OPCML: variants seen among roughly 807,000 people sequenced by gnomAD.
OPCML encodes the protein opioid binding protein/cell adhesion molecule like, also known as opioid-binding protein/cell adhesion molecule.
Under a neutral mutation model 37.8 loss-of-function variants are expected in OPCML, and 13 were observed. That is an observed-to-expected ratio of 0.34 (90% confidence interval 0.22 to 0.55). The LOEUF (loss-of-function observed/expected upper bound fraction) is 0.55. Among genes scored for constraint, OPCML ranks in the 20% least tolerant of loss-of-function variants. The pLI is 0.91. For missense variants in OPCML, 341 were observed against 435.6 expected, an observed-to-expected ratio of 0.78 and a Z score of 1.93; for synonymous variants, 176 against 168.8, an observed-to-expected ratio of 1.04 and a Z score of -0.33.
Position 132,904,663 on chromosome 11 carries a change from A to C in OPCML, c.146+38263T>G, listed in dbSNP as rs73602834. ...TTAGATTCCAGGCTAATGGTTCTATAAATTCAAAAGCAAGAAATATCGCAG... is the reference window on the plus strand; with the variant it reads ...TTAGATTCCAGGCTAATGGTTCTATCAATTCAAAAGCAAGAAATATCGCAG... On this transcript the variant is annotated intron_variant, in intron 2 of 7. Transcript: ENST00000524381. Among the ~76,000 whole-genome samples, 1,336 of 152,328 alleles carry C rather than the reference A, an allele frequency of 8.8e-3. 13 individuals are homozygous for C. The highest frequency in any genetic ancestry group is 0.03 in the African/African-American group (1,258 of 41,570).
intron 4 of OPCML, among the ~76,000 whole-genome samples, chr11:132,489,836 C>T (rs2096210448): frequency 6.6e-6 from 1 of 151,982 alleles, no homozygotes; most frequent in Non-Finnish European, 1.5e-5. Flanking sequence ...GCTATTCCTC[C>T]CCTAGCCCTA....
chr11:133,145,537 T>A (rs1029608086), intron 1 of OPCML, among the ~76,000 whole-genome samples: 1 of 152,204 alleles, frequency 6.6e-6, no homozygotes, highest in Non-Finnish European at 1.5e-5. Context: ...TGTTGAGAAC[T>A]TCAAATGTGA....
chr11:133,062,785 T>C (rs1006386198), intron 1 of OPCML, among the ~76,000 whole-genome samples: 5 of 152,202 alleles, frequency 3.3e-5, no homozygotes, highest in African/African-American at 1.2e-4. Flanking sequence ...TTGATCCCAA[T>C]CCTGATCACT....
At chr11:132,567,791 A>C (rs2096427337) in intron 3 of OPCML, among the ~76,000 whole-genome samples, 1 of 152,146 alleles carries the variant, frequency 6.6e-6, no homozygotes, top group African/African-American at 2.4e-5. Context: ...CTGAGGTTGC[A>C]TTGGAGGCAG....
At chr11:132,807,579 A>C (rs1012267299) in intron 2 of OPCML, among the ~76,000 whole-genome samples, 15 of 152,234 alleles carry the variant, frequency 9.9e-5, no homozygotes, top group African/African-American at 3.6e-4. Flanking sequence ...CTGGCCAAGA[A>C]GCAGCTCTTA....
At chr11:133,422,989 T>C (rs1945923379) in intron 1 of OPCML, 1 of 985,270 alleles carries the variant, frequency 1.0e-6, no homozygotes, top group Non-Finnish European at 1.2e-6. Context: ...GTGTACAAAG[T>C]GCCTTACTTC....
intron 1 of OPCML, among the ~76,000 whole-genome samples, chr11:133,382,995 A>G (rs557872631): frequency 6.6e-6 from 1 of 152,232 alleles, no homozygotes; most frequent in Admixed American, 6.5e-5. Flanking sequence ...AGTTCTTAAT[A>G]CAACTCAGCC....
chr11:132,469,493 GTGTA>G (rs2096129090), intron 4 of OPCML, among the ~76,000 whole-genome samples: 1 of 150,860 alleles, frequency 6.6e-6, no homozygotes, highest in Non-Finnish European at 1.5e-5. Flanking sequence ...GTGACTGTGT[GTGTA>G]TGTATGTGTG....
At chr11:132,907,963 GA>G (rs549199192) in intron 2 of OPCML, among the ~76,000 whole-genome samples, 1 of 151,428 alleles carries the variant, frequency 6.6e-6, no homozygotes. Flanking sequence ...ATGAGTCAAT[GA>G]AAAAAAAATT....
At chr11:132,853,992 A>T (rs992085290) in intron 2 of OPCML, among the ~76,000 whole-genome samples, 2 of 152,188 alleles carry the variant, frequency 1.3e-5, no homozygotes, top group Non-Finnish European at 2.9e-5. Flanking sequence ...CTAGCCTCAG[A>T]TCACACAGGG....
rs149701005 is a variant in OPCML, at chr11:132,964,880, G to A, written c.62-21870C>T. Among the ~76,000 whole-genome samples, 461 of 152,270 alleles carry A rather than the reference G, an allele frequency of 3.0e-3. 4 individuals are homozygous for A. The highest frequency in any genetic ancestry group is 0.011 in the African/African-American group (447 of 41,542). ...GAAAACTGAGGCTCAGAAAGTTTAT[G>A]TGAGTTGCCCAGAGCCATCAAGCAG... On this transcript the variant is annotated intron_variant, in intron 1 of 7. Coordinates refer to ENST00000524381, the MANE Select transcript of OPCML (RefSeq NM_001012393.5).
intron 2 of OPCML, among the ~76,000 whole-genome samples, chr11:132,781,956 T>TATATA (rs60530108): frequency 0.014 from 720 of 50,796 alleles, 3 homozygotes; most frequent in African/African-American, 0.043. Flanking sequence ...ATATATATAT[T>TATATA]TTTTTTTTTT....
intron 1 of OPCML, among the ~76,000 whole-genome samples, chr11:133,237,114 C>A (rs1185147691): frequency 6.6e-6 from 1 of 152,130 alleles, no homozygotes; most frequent in Non-Finnish European, 1.5e-5. Flanking sequence ...AAGTGCTAAC[C>A]AAAAAGATGT....
At chr11:132,736,239 G>T (rs1184327803) in intron 2 of OPCML, among the ~76,000 whole-genome samples, 1 of 152,100 alleles carries the variant, frequency 6.6e-6, no homozygotes, top group Non-Finnish European at 1.5e-5. Context: ...TCAGTTCTTA[G>T]GTTTTCTGAT....
intron 1 of OPCML, among the ~76,000 whole-genome samples, chr11:133,258,698 G>A (rs1314326268): frequency 6.6e-6 from 1 of 152,060 alleles, no homozygotes; most frequent in Non-Finnish European, 1.5e-5. Flanking sequence ...GCCTCCTGGG[G>A]CACAGGTCAC....
At chr11:133,329,942 G>C (rs1284198550) in intron 1 of OPCML, among the ~76,000 whole-genome samples, 6 of 152,100 alleles carry the variant, frequency 3.9e-5, no homozygotes, top group Non-Finnish European at 7.4e-5. Flanking sequence ...CTACTCATCT[G>C]ACAAAGGGCT....
chr11:133,099,442 C>CTTTTT (rs35161811), intron 1 of OPCML, among the ~76,000 whole-genome samples: 3 of 119,484 alleles, frequency 2.5e-5, no homozygotes, highest in Non-Finnish European at 5.1e-5. Flanking sequence ...TTCTTTTTTT[C>CTTTTT]TTTTTTTTTT....
chr11:132,708,564 A>G (rs1374693213), intron 2 of OPCML, among the ~76,000 whole-genome samples: 1 of 152,248 alleles, frequency 6.6e-6, no homozygotes, highest in Non-Finnish European at 1.5e-5. Flanking sequence ...AATCAGACCA[A>G]GTAGGTAACA....
chr11:132,954,721 A>AATC (rs1287140961), intron 1 of OPCML, among the ~76,000 whole-genome samples: 3 of 152,206 alleles, frequency 2.0e-5, no homozygotes, highest in African/African-American at 4.8e-5. Context: ...ATGGGAGCTG[A>AATC]AGCCCTGGGT....
Sources: allele counts gnomAD v4.1 joint callset (sites outside exome capture counted in the v4.1 genomes callset), GRCh38; gene constraint gnomAD v4.1.1; transcripts MANE v1.5; gene names NCBI Gene and HGNC (gene_info 2026-07-23, HGNC 2026-07-21).